The following SLC22A23 variants were observed in gnomAD, a reference collection of about 807,000 sequenced individuals.
The protein encoded by SLC22A23 is solute carrier family 22 member 23.
SLC22A23 carries 26 observed loss-of-function variants against 61.0 expected under a neutral mutation model. The observed-to-expected ratio is 0.43, with a 90% confidence interval of 0.31 to 0.59. The LOEUF (loss-of-function observed/expected upper bound fraction) is 0.59. Among genes scored for constraint, SLC22A23 ranks in the 20% least tolerant of loss-of-function variants. The probability of loss-of-function intolerance (pLI) is 0.11; values close to 1 mark genes in which losing one functional copy is unlikely to be tolerated. For synonymous variants in SLC22A23, 430 were observed against 413.9 expected, an observed-to-expected ratio of 1.04 and a Z score of -0.47; for missense variants, 796 against 934.7, an observed-to-expected ratio of 0.85 and a Z score of 1.94.
chr6:3,323,067 A>AC (rs1276901040), intron 4 of SLC22A23, among the ~76,000 whole-genome samples: 4 of 151,262 alleles, frequency 2.6e-5, no homozygotes, highest in Admixed American at 6.6e-5. Context: ...TTTTTAAAAA[A>AC]CCCAGTTGCC....
chr6:3,418,246 G>C (rs989909622), intron 1 of SLC22A23, among the ~76,000 whole-genome samples: 2 of 152,218 alleles, frequency 1.3e-5, no homozygotes, highest in African/African-American at 2.4e-5. Flanking sequence ...CTTGATGGCA[G>C]GGAGTCATCT....
At position 3,414,177 on chromosome 6, in the gene SLC22A23, G is replaced by A. The variant is rs1286112932; in HGVS notation, c.758+1575C>T. 6.6e-6 allele frequency among the ~76,000 whole-genome samples: 1 copy of A among 152,126 alleles called. No homozygotes were observed. Among genetic ancestry groups the A allele is most frequent in the Non-Finnish European group, 1.5e-5 (1 of 68,028 alleles). On this transcript the variant is annotated intron_variant, in intron 2 of 9. Coordinates refer to ENST00000406686, the MANE Select transcript of SLC22A23 (RefSeq NM_015482.2). The surrounding 1 kb of genome is among the most constrained non-coding windows in gnomAD (Gnocchi z 5.1). ...TTCTATTAAATTATTTATTGAATAAGGACACTACAACCCCAGTTGAGTTTG... is the reference window on the plus strand; with the variant it reads ...TTCTATTAAATTATTTATTGAATAAAGACACTACAACCCCAGTTGAGTTTG...
chr6:3,319,064 C>T (rs1762801558), intron 4 of SLC22A23, among the ~76,000 whole-genome samples: 1 of 152,230 alleles, frequency 6.6e-6, no homozygotes, highest in East Asian at 1.9e-4. Context: ...TACGCCTTCT[C>T]CACGAAGCAG....
chr6:3,408,984 TGTCAGGG>T (rs1239955991), intron 3 of SLC22A23, among the ~76,000 whole-genome samples: 1 of 152,228 alleles, frequency 6.6e-6, no homozygotes, highest in African/African-American at 2.4e-5. Flanking sequence ...CTGCACAGAC[TGTCAGGG>T]GTCAGGGCCA....
rs555608093 is a variant in SLC22A23, at chr6:3,271,378, C to G, written c.*1677G>C. 1.3e-5 allele frequency: 2 copies of G among 152,450 alleles called. No individual in the cohort carries two copies. The highest frequency in any genetic ancestry group is 6.5e-5 in the Admixed American group (1 of 15,304). The allele number at this position is 152,450 out of a possible 1,614,324, so 9.4% of individuals were successfully genotyped here. On this transcript the variant is annotated 3_prime_UTR_variant, in exon 10 of 10. Coordinates refer to ENST00000406686, the MANE Select transcript of SLC22A23 (RefSeq NM_015482.2). ...AGAGTCTGCTTGCCCCTTGCTGTGT[C>G]TTTACACATCTCCAGGCCCTTACTG...
intron 1 of SLC22A23, among the ~76,000 whole-genome samples, chr6:3,441,056 G>T (rs1449279468): frequency 6.6e-6 from 1 of 152,230 alleles, no homozygotes; most frequent in African/African-American, 2.4e-5. Context: ...CAGGAGCACT[G>T]GGCACTGGGC....
At chr6:3,366,073 G>A (rs1253910873) in intron 3 of SLC22A23, among the ~76,000 whole-genome samples, 1 of 152,214 alleles carries the variant, frequency 6.6e-6, no homozygotes, top group East Asian at 1.9e-4. Context: ...GCTCACGCCT[G>A]TAATCCCAGC....
intron 3 of SLC22A23, among the ~76,000 whole-genome samples, chr6:3,332,339 T>C (rs1763627400): frequency 6.6e-6 from 1 of 152,228 alleles, no homozygotes; most frequent in African/African-American, 2.4e-5. Flanking sequence ...GCATCACTAC[T>C]GTGTGACATC....
At chr6:3,406,887 C>A (rs1226646454) in intron 3 of SLC22A23, among the ~76,000 whole-genome samples, 1 of 152,116 alleles carries the variant, frequency 6.6e-6, no homozygotes, top group African/African-American at 2.4e-5. Flanking sequence ...CCTTCAGCAG[C>A]CTTGCAAATA....
chr6:3,324,050 C>G lies in SLC22A23; in HGVS notation c.914-48G>C. ...GAGAGATGAGTGCCCTGCTCGACAG[C>G]CCGAGAAGTCCTGGGTGCACCTGGG... On this transcript the variant is annotated intron_variant, in intron 3 of 9. Transcript: ENST00000406686. This position sits in a 1 kb window ranked among gnomAD's most constrained non-coding sequence, Gnocchi z 4.3. 6.3e-7 allele frequency: 1 copy of G among 1,594,996 alleles called. No homozygotes were observed. Among genetic ancestry groups the G allele is most frequent in the East Asian group, 2.2e-5 (1 of 44,526 alleles).
intron 1 of SLC22A23, among the ~76,000 whole-genome samples, chr6:3,448,121 T>C (rs1771998840): frequency 6.6e-6 from 1 of 151,850 alleles, no homozygotes; most frequent in African/African-American, 2.4e-5. Context: ...CAGGCTGGTC[T>C]TGAACTCCTG....
intron 3 of SLC22A23, among the ~76,000 whole-genome samples, chr6:3,336,568 G>A (rs1763870099): frequency 6.6e-6 from 1 of 152,184 alleles, no homozygotes; most frequent in Admixed American, 6.5e-5. Flanking sequence ...CCAGGTGGCT[G>A]CAAGCCCTAC....
intron 1 of SLC22A23, among the ~76,000 whole-genome samples, chr6:3,450,339 C>T (rs1344215098): frequency 1.3e-5 from 2 of 152,204 alleles, no homozygotes; most frequent in Non-Finnish European, 2.9e-5. Context: ...CGGAGTCTCG[C>T]TCTGTTGCTC....
intron 3 of SLC22A23, among the ~76,000 whole-genome samples, chr6:3,377,032 T>A (rs1222408388): frequency 6.6e-6 from 1 of 152,080 alleles, no homozygotes; most frequent in Non-Finnish European, 1.5e-5. Flanking sequence ...TTGTCCTTAC[T>A]TCCAATCAGG....
chr6:3,376,975 G>C (rs144697476), intron 3 of SLC22A23, among the ~76,000 whole-genome samples: 1 of 151,910 alleles, frequency 6.6e-6, no homozygotes, highest in Non-Finnish European at 1.5e-5. Flanking sequence ...TGAAGGTGTC[G>C]GGGGAAGGGC....
chr6:3,348,910 C>A (rs1764601272), intron 3 of SLC22A23, among the ~76,000 whole-genome samples: 1 of 152,244 alleles, frequency 6.6e-6, no homozygotes, highest in African/African-American at 2.4e-5. Context: ...AGAGGAGAGT[C>A]AACTGGTACT....
chr6:3,310,231 T>G (rs1359660657), intron 4 of SLC22A23, among the ~76,000 whole-genome samples: 1 of 146,128 alleles, frequency 6.8e-6, no homozygotes, highest in African/African-American at 2.8e-5. Context: ...TGTCTCCCAC[T>G]GGAGCACCCT....
chr6:3,297,165 T>C lies in SLC22A23; in HGVS notation c.1210+926A>G, dbSNP rs185034807. ...GGCTTTGCCTGTGTCTTCTCTGCTC[T>C]AGAATAGCGCCTGAAACACAGCAGG... On this transcript the variant is annotated intron_variant, in intron 5 of 9. Transcript: ENST00000406686. This position sits in a 1 kb window ranked among gnomAD's most constrained non-coding sequence, Gnocchi z 4.3. Among the ~76,000 whole-genome samples, 1 of 152,366 alleles carries C rather than the reference T, an allele frequency of 6.6e-6. No individual in the cohort carries two copies. The highest frequency in any genetic ancestry group is 2.4e-5 in the African/African-American group (1 of 41,594).
intron 1 of SLC22A23, among the ~76,000 whole-genome samples, chr6:3,443,248 G>A (rs1021870374): frequency 6.6e-6 from 1 of 152,216 alleles, no homozygotes. Flanking sequence ...AAGGGACTCT[G>A]CATTTTTATT....
Sources: allele counts gnomAD v4.1 joint callset (sites outside exome capture counted in the v4.1 genomes callset), GRCh38; gene constraint gnomAD v4.1.1; non-coding constraint Gnocchi (gnomAD v3.1); transcripts MANE v1.5; gene names NCBI Gene and HGNC (gene_info 2026-07-23, HGNC 2026-07-21).